The following SEZ6L variants were observed in gnomAD, a reference collection of about 807,000 sequenced individuals.
The protein encoded by SEZ6L is seizure related 6 homolog like.
A neutral mutation model predicts 106.2 loss-of-function variants in SEZ6L; 37 were observed. That is an observed-to-expected ratio of 0.35 (90% CI 0.27 to 0.46). The LOEUF is 0.46. Among genes scored for constraint, SEZ6L ranks in the 20% least tolerant of loss-of-function variants. The pLI is 1.00. For missense variants in SEZ6L, 1,172 were observed against 1,332.8 expected (o/e 0.88, Z 1.88); for synonymous variants, 541 against 570.4 (o/e 0.95, Z 0.73).
intron 5 of SEZ6L, among the ~76,000 whole-genome samples, chr22:26,299,643 A>G (rs936891675): frequency 2.0e-5 from 3 of 152,242 alleles, no homozygotes; most frequent in African/African-American, 7.2e-5. Context: ...ATGTTGTAGC[A>G]TGTATCAGTA....
intron 1 of SEZ6L, among the ~76,000 whole-genome samples, chr22:26,268,319 T>A (rs2080253919): frequency 1.3e-5 from 2 of 152,194 alleles, no homozygotes; most frequent in African/African-American, 4.8e-5. Context: ...TCACAGGACA[T>A]TTTTAAAGTG....
At chr22:26,338,305 C>A (rs929512876) in intron 9 of SEZ6L, among the ~76,000 whole-genome samples, 2 of 152,214 alleles carry the variant, frequency 1.3e-5, no homozygotes, top group African/African-American at 4.8e-5. Flanking sequence ...CCCCATACCC[C>A]AGGCACACTG....
chr22:26,197,578 G>A (rs952481314), intron 1 of SEZ6L, among the ~76,000 whole-genome samples: 4 of 152,214 alleles, frequency 2.6e-5, no homozygotes, highest in East Asian at 1.9e-4. Flanking sequence ...AAATGGGGTG[G>A]CTGGTGGCCT....
chr22:26,319,228 C>A (rs1023227891), intron 9 of SEZ6L, among the ~76,000 whole-genome samples: 1 of 152,174 alleles, frequency 6.6e-6, no homozygotes, highest in Non-Finnish European at 1.5e-5. Context: ...TCTGACACCT[C>A]CACTGCCACC....
intron 1 of SEZ6L, among the ~76,000 whole-genome samples, chr22:26,276,781 T>C (rs1160471352): frequency 6.6e-6 from 1 of 151,720 alleles, no homozygotes; most frequent in East Asian, 1.9e-4. Flanking sequence ...GTTCATGGGG[T>C]GTGAGGGGAG....
intron 1 of SEZ6L, among the ~76,000 whole-genome samples, chr22:26,277,050 C>T (rs1259778503): frequency 6.6e-6 from 1 of 151,652 alleles, no homozygotes. Flanking sequence ...GGGGGAGAAG[C>T]CAGCTCACAG....
intron 1 of SEZ6L, among the ~76,000 whole-genome samples, chr22:26,233,944 C>T (rs564176770): frequency 3.9e-5 from 6 of 152,262 alleles, no homozygotes; most frequent in South Asian, 2.1e-4. Flanking sequence ...AGATGGAGGA[C>T]CGGGCTCACC....
chr22:26,245,114 C>T (rs950897910), intron 1 of SEZ6L, among the ~76,000 whole-genome samples: 2 of 152,096 alleles, frequency 1.3e-5, no homozygotes, highest in Admixed American at 6.5e-5. Context: ...TCTGGTTTCC[C>T]GTGCCCCTTT....
At chr22:26,201,909 GTTGT>G (rs1003222484) in intron 1 of SEZ6L, among the ~76,000 whole-genome samples, 1 of 151,942 alleles carries the variant, frequency 6.6e-6, no homozygotes, top group Non-Finnish European at 1.5e-5. Context: ...ATTTTTTGTT[GTTGT>G]TTGTTTGTTT....
chr22:26,340,053 G>A lies in SEZ6L; in HGVS notation c.2016-383G>A, dbSNP rs528671594. On this transcript the variant is annotated intron_variant, in intron 9 of 16. Coordinates refer to ENST00000248933, the MANE Select transcript of SEZ6L (RefSeq NM_021115.5). ...ATTTGGAGACCAGCCTGGGCAACACGGTGAAACCCCATCTCTACTAAATAC... is the reference window on the plus strand; with the variant it reads ...ATTTGGAGACCAGCCTGGGCAACACAGTGAAACCCCATCTCTACTAAATAC... Among the ~76,000 whole-genome samples, 35 of 152,202 alleles carry A rather than the reference G, an allele frequency of 2.3e-4. No homozygotes were observed. In the South Asian group the frequency reaches 5.6e-3, roughly 24 times the overall value.
chr22:26,363,691 C>G (rs1331289086), intron 12 of SEZ6L, among the ~76,000 whole-genome samples: 1 of 152,188 alleles, frequency 6.6e-6, no homozygotes, highest in Non-Finnish European at 1.5e-5. Context: ...GGTCAGAAAT[C>G]TGGGCATAGC....
intron 9 of SEZ6L, among the ~76,000 whole-genome samples, chr22:26,316,902 G>GAAGA (rs71322610): frequency 8.9e-4 from 113 of 126,720 alleles, no homozygotes; most frequent in South Asian, 1.6e-3. Context: ...GAGAAAGAAA[G>GAAGA]AAGAAAGAAA....
At position 26,268,560 on chromosome 22, in the gene SEZ6L, G is replaced by A. The variant is rs189898748; in HGVS notation, c.95-23846G>A. Among the ~76,000 whole-genome samples, 224 of 152,264 alleles carry A rather than the reference G, an allele frequency of 1.5e-3. 1 individual carries two copies. Among genetic ancestry groups the A allele is most frequent in the South Asian group, 8.3e-4 (4 of 4,820 alleles). On this transcript the variant is annotated intron_variant, in intron 1 of 16. Transcript: ENST00000248933. ...TGACCCCTTAAGCCAAGAATTCCCC[G>A]GAGGCATCCCAATGAATTCAGAATA... is the stretch of plus-strand genomic sequence containing the variant.
intron 11 of SEZ6L, among the ~76,000 whole-genome samples, chr22:26,348,568 A>AGGG (rs1569473322): frequency 1.1e-5 from 1 of 95,072 alleles, no homozygotes; most frequent in Non-Finnish European, 1.9e-5. Flanking sequence ...GAAGGGAGGA[A>AGGG]AGAAAGAAAG....
intron 10 of SEZ6L, among the ~76,000 whole-genome samples, chr22:26,343,069 T>C (rs1448190949): frequency 6.6e-6 from 1 of 152,220 alleles, no homozygotes; most frequent in Non-Finnish European, 1.5e-5. Context: ...AGAGTGTTAT[T>C]GCTACAATTT....
chr22:26,360,676 G>A (rs1208844651), intron 12 of SEZ6L, among the ~76,000 whole-genome samples: 2 of 152,138 alleles, frequency 1.3e-5, no homozygotes, highest in Non-Finnish European at 2.9e-5. Context: ...AAGCCTCCCC[G>A]ACCAGGGGGC....
chr22:26,296,264 T>A (rs1340211383), intron 3 of SEZ6L, among the ~76,000 whole-genome samples: 1 of 152,202 alleles, frequency 6.6e-6, no homozygotes, highest in Non-Finnish European at 1.5e-5. Flanking sequence ...GTCCTGCAGT[T>A]GTAGCCACCA....
At chr22:26,320,895 A>G (rs2082136137) in intron 9 of SEZ6L, among the ~76,000 whole-genome samples, 1 of 152,158 alleles carries the variant, frequency 6.6e-6, no homozygotes, top group Non-Finnish European at 1.5e-5. Flanking sequence ...GGATGCTGCT[A>G]TGCATCCTAC....
chr22:26,382,789 C>T lies in SEZ6L; in HGVS notation c.*2494C>T, dbSNP rs563385379. On this transcript the variant is annotated 3_prime_UTR_variant, in exon 17 of 17. Coordinates refer to ENST00000248933, the MANE Select transcript of SEZ6L (RefSeq NM_021115.5). ...AAGGCATCTCATTACAGCTCATGTA[C>T]GTCTGTTTTTATAAGATCAATATTA... The T allele has an allele frequency of 2.5e-4, 38 of 152,112 alleles. No homozygotes were observed. The highest frequency in any genetic ancestry group is 2.1e-4 in the South Asian group (1 of 4,824). 9.4% of individuals were successfully genotyped at this position (152,112 alleles called of 1,614,324 possible).
Sources: gnomAD v4.1 joint callset for allele counts (sites outside exome capture counted in the v4.1 genomes callset) on GRCh38, gnomAD v4.1.1 for gene constraint, MANE v1.5 for transcripts, NCBI Gene and HGNC (gene_info 2026-07-23, HGNC 2026-07-21) for gene names.